YIPF6: variants seen among roughly 807,000 people sequenced by gnomAD.
The protein encoded by YIPF6 is Yip1 domain family member 6.
Under a neutral mutation model 16.8 loss-of-function variants are expected in YIPF6, and 3 were observed. That is an observed-to-expected ratio of 0.18 (90% confidence interval 0.08 to 0.46). YIPF6 has a LOEUF of 0.46. YIPF6 is among the 20% of genes least tolerant of loss of function. The probability of loss-of-function intolerance (pLI) is 0.98; values close to 1 mark genes in which losing one functional copy is unlikely to be tolerated. For missense variants in YIPF6, 145 were observed against 184.9 expected (o/e 0.78, Z 1.25); for synonymous variants, 67 against 61.9 (o/e 1.08, Z -0.38).
chrX:68,531,057 G>A (rs1426307251), intron 6 of YIPF6, among the ~76,000 whole-genome samples: 1 of 111,187 alleles, frequency 9.0e-6, no homozygotes, highest in Admixed American at 9.6e-5. Flanking sequence ...TCAGCCTCCC[G>A]AGTAGCCGAG....
At chrX:68,527,487 C>T (rs187470098) in intron 6 of YIPF6, among the ~76,000 whole-genome samples, 210 of 111,352 alleles carry the variant, frequency 1.9e-3, no homozygotes, top group African/African-American at 6.4e-3. Flanking sequence ...CTGCTCTGAT[C>T]TTAGTTATTT....
At chrX:68,525,831 T>C (rs1366279058) in intron 6 of YIPF6, among the ~76,000 whole-genome samples, 1 of 111,615 alleles carries the variant, frequency 9.0e-6, no homozygotes, top group Non-Finnish European at 1.9e-5. Context: ...TCTGTTCTGT[T>C]CCATCGGTCT....
At chrX:68,529,473 G>C (rs1396525095) in intron 6 of YIPF6, among the ~76,000 whole-genome samples, 1 of 110,521 alleles carries the variant, frequency 9.0e-6, no homozygotes, top group Non-Finnish European at 1.9e-5. Flanking sequence ...GAAGTCTACT[G>C]TCAGTTCGTC....
chrX:68,528,812 C>A (rs1320339114), intron 6 of YIPF6, among the ~76,000 whole-genome samples: 1 of 111,686 alleles, frequency 9.0e-6, no homozygotes, highest in Non-Finnish European at 1.9e-5. Context: ...TATTGGCCCC[C>A]ACTCTCTTCT....
intron 6 of YIPF6, among the ~76,000 whole-genome samples, chrX:68,526,750 G>T (rs2079150072): frequency 8.9e-6 from 1 of 111,822 alleles, no homozygotes. Context: ...TTTTGTCATT[G>T]GTTCTGTTTA....
chrX:68,509,843 C>G (rs901763079), intron 1 of YIPF6, among the ~76,000 whole-genome samples: 3 of 111,664 alleles, frequency 2.7e-5, no homozygotes, highest in African/African-American at 9.8e-5. Context: ...CCTCTAGGGG[C>G]TTTTTTCTAG....
chrX:68,500,327 T>G (rs994365723), intron 1 of YIPF6, among the ~76,000 whole-genome samples: 19 of 110,462 alleles, frequency 1.7e-4, no homozygotes, highest in Admixed American at 1.6e-3. Context: ...TTCTTTTTCT[T>G]TTTTTGAGAC....
intron 1 of YIPF6, among the ~76,000 whole-genome samples, chrX:68,501,461 A>C: frequency 8.9e-6 from 1 of 111,836 alleles, no homozygotes; most frequent in Non-Finnish European, 1.9e-5. Flanking sequence ...CAATCATTTC[A>C]GTTAGGTGGC....
In YIPF6 at chrX:68,513,231, T is replaced by A. The variant is rs766795542; in HGVS notation, c.187-96T>A. On this transcript the variant is annotated intron_variant, in intron 2 of 6. Coordinates refer to ENST00000462683, the MANE Select transcript of YIPF6 (RefSeq NM_173834.4). ...TTATCTGCAAAATTCAGTGAAGAGT[T>A]CACAGGAGATTGAAATGAAAGAAAT... The A allele has an allele frequency of 2.8e-5, 18 of 642,941 alleles. No homozygotes were observed. The African/African-American group carries it at 4.0e-4, about 14-fold the overall frequency. 53.0% of individuals were successfully genotyped at this position (642,941 alleles called of 1,213,427 possible).
At chrX:68,511,136 CT>C (rs780566814) in intron 1 of YIPF6, among the ~76,000 whole-genome samples, 55 of 108,563 alleles carry the variant, frequency 5.1e-4, no homozygotes, top group African/African-American at 1.6e-3. Context: ...CATCCTCATT[CT>C]TTCTAAAATT....
intron 1 of YIPF6, among the ~76,000 whole-genome samples, chrX:68,507,898 C>CG (rs911933235): frequency 9.0e-6 from 1 of 110,542 alleles, no homozygotes; most frequent in Non-Finnish European, 1.9e-5. Context: ...GCCACCATGC[C>CG]GGCCTTTTAT....
intron 5 of YIPF6, 38 bp downstream of exon 5, chrX:68,521,535 C>G (rs779267719): frequency 1.7e-6 from 2 of 1,187,312 alleles, no homozygotes; most frequent in African/African-American, 1.8e-5. Context: ...TTTCCTCTTG[C>G]CAGGTAGTAT....
chrX:68,508,618 G>C (rs1463125871), intron 1 of YIPF6, among the ~76,000 whole-genome samples: 1 of 111,888 alleles, frequency 8.9e-6, no homozygotes, highest in African/African-American at 3.2e-5. Context: ...GCTGGCAAAG[G>C]CATTCTTTAT....
chrX:68,502,830 CTTT>C (rs201143857), intron 1 of YIPF6, among the ~76,000 whole-genome samples: 2 of 97,044 alleles, frequency 2.1e-5, no homozygotes. Context: ...AGTCTGGGGT[CTTT>C]TTTTTTTTTT....
At chrX:68,506,728 G>A (rs1015164515) in intron 1 of YIPF6, among the ~76,000 whole-genome samples, 2 of 110,773 alleles carry the variant, frequency 1.8e-5, no homozygotes, top group East Asian at 5.6e-4. Flanking sequence ...AAATAAATAA[G>A]AAATTTTTTT....
intron 3 of YIPF6, chrX:68,515,341 AAAAAAAAT>A (rs1489042991): frequency 2.0e-5 from 2 of 97,640 alleles, no homozygotes; most frequent in African/African-American, 1.1e-4. Context: ...AAAAAAAAAT[AAAAAAAAT>A]AAAAAAATAA....
At chrX:68,501,641 A>G (rs2079041499) in intron 1 of YIPF6, among the ~76,000 whole-genome samples, 1 of 111,978 alleles carries the variant, frequency 8.9e-6, no homozygotes, top group African/African-American at 3.2e-5. Context: ...CCATTCATAT[A>G]TATATAGAAG....
intron 4 of YIPF6, among the ~76,000 whole-genome samples, chrX:68,519,839 T>C (rs985506169): frequency 1.8e-5 from 2 of 112,275 alleles, no homozygotes; most frequent in Non-Finnish European, 3.8e-5. Flanking sequence ...TTAGTAACCA[T>C]GTTAAGGGAT....
intron 4 of YIPF6, among the ~76,000 whole-genome samples, 163 bp downstream of exon 4, chrX:68,518,975 C>A (rs781076047): frequency 8.1e-5 from 9 of 111,499 alleles, no homozygotes; most frequent in Non-Finnish European, 1.5e-4. Context: ...AGTCACTTTC[C>A]AAATCAATTA....
Sources: allele counts gnomAD v4.1 joint callset (sites outside exome capture counted in the v4.1 genomes callset), GRCh38; gene constraint gnomAD v4.1.1; transcripts MANE v1.5; gene names NCBI Gene and HGNC (gene_info 2026-07-23, HGNC 2026-07-21).